MAML2: variants seen among roughly 807,000 people sequenced by gnomAD.
MAML2 encodes the protein mastermind like transcriptional coactivator 2.
A neutral mutation model predicts 96.1 loss-of-function variants in MAML2; 22 were observed. The observed-to-expected ratio is 0.23, with a 90% confidence interval of 0.16 to 0.33. The LOEUF is 0.33. MAML2 is among the 10% of genes least tolerant of loss of function. The probability of loss-of-function intolerance (pLI) is 1.00; values close to 1 mark genes in which losing one functional copy is unlikely to be tolerated. For synonymous variants in MAML2, 561 were observed against 521.3 expected (o/e 1.08, Z -1.04); for missense variants, 1,367 against 1,392.4 (o/e 0.98, Z 0.29).
intron 1 of MAML2, among the ~76,000 whole-genome samples, chr11:96,201,054 A>G (rs1214041473): frequency 6.6e-6 from 1 of 152,208 alleles, no homozygotes; most frequent in Non-Finnish European, 1.5e-5. Flanking sequence ...AAAAAAGAAA[A>G]AAAAGTCTCA....
At chr11:96,187,127 T>A (rs941952591) in intron 1 of MAML2, among the ~76,000 whole-genome samples, 1 of 152,222 alleles carries the variant, frequency 6.6e-6, no homozygotes, top group Non-Finnish European at 1.5e-5. Context: ...GGGTCTTTCT[T>A]ACCTCTGTGA....
chr11:96,015,452 G>A (rs1341519802), intron 2 of MAML2, among the ~76,000 whole-genome samples: 1 of 151,866 alleles, frequency 6.6e-6, no homozygotes, highest in African/African-American at 2.4e-5. Context: ...TACTCCAGCT[G>A]GTTGACCATT....
intron 1 of MAML2, among the ~76,000 whole-genome samples, chr11:96,160,143 G>A (rs893221011): frequency 6.6e-6 from 1 of 152,188 alleles, no homozygotes; most frequent in African/African-American, 2.4e-5. Context: ...GAAGAGATGT[G>A]TCTTGTGAGC....
intron 1 of MAML2, among the ~76,000 whole-genome samples, chr11:96,283,137 T>C (rs199588884): frequency 6.6e-6 from 1 of 151,328 alleles, no homozygotes; most frequent in African/African-American, 2.4e-5. Context: ...AATTTAAAAC[T>C]AAACAAGCCA....
At chr11:96,248,203 C>T (rs1862536353) in intron 1 of MAML2, among the ~76,000 whole-genome samples, 2 of 150,346 alleles carry the variant, frequency 1.3e-5, no homozygotes, top group Admixed American at 6.7e-5. Flanking sequence ...GCCTCCATCT[C>T]CTAGGTTCAA....
intron 2 of MAML2, among the ~76,000 whole-genome samples, chr11:96,073,151 G>A (rs145896078): frequency 2.6e-5 from 4 of 152,256 alleles, no homozygotes; most frequent in Admixed American, 2.6e-4. Flanking sequence ...TAACTGAAGT[G>A]TATTACATTC....
chr11:96,274,949 G>T (rs1212120665), intron 1 of MAML2, among the ~76,000 whole-genome samples: 3 of 148,954 alleles, frequency 2.0e-5, no homozygotes, highest in African/African-American at 7.3e-5. Context: ...CACATAAATG[G>T]GCTCATTTAT....
In MAML2 at chr11:96,231,501, C is replaced by T. The variant is rs117621337; in HGVS notation, c.513+109882G>A. Among the ~76,000 whole-genome samples, 43 of 152,120 alleles carry T rather than the reference C, an allele frequency of 2.8e-4. No individual in the cohort carries two copies. In the East Asian group the frequency reaches 6.4e-3, roughly 23 times the overall value. ...ACCTACTGTAGGATGTAAAGGAAGA[C>T]GACAATGAGATGCACCCTGAGGACT... is the stretch of plus-strand genomic sequence containing the variant. On this transcript the variant is annotated intron_variant, in intron 1 of 4. Coordinates refer to ENST00000524717, the MANE Select transcript of MAML2 (RefSeq NM_032427.4).
intron 1 of MAML2, among the ~76,000 whole-genome samples, chr11:96,298,824 C>G (rs888646088): frequency 6.8e-6 from 1 of 146,628 alleles, no homozygotes; most frequent in South Asian, 2.1e-4. Flanking sequence ...GGGTGGATCA[C>G]GAGGTCAGGA....
chr11:96,199,901 A>G (rs376043277), intron 1 of MAML2, among the ~76,000 whole-genome samples: 1 of 152,250 alleles, frequency 6.6e-6, no homozygotes, highest in African/African-American at 2.4e-5. Context: ...TATTTTATCA[A>G]TTTGGACGAA....
chr11:96,008,960 A>T (rs1346084051), intron 2 of MAML2, among the ~76,000 whole-genome samples: 1 of 152,178 alleles, frequency 6.6e-6, no homozygotes, highest in Non-Finnish European at 1.5e-5. Context: ...ACACCGCTGA[A>T]ATTCTAGCAT....
At chr11:96,051,594 T>A (rs539480338) in intron 2 of MAML2, among the ~76,000 whole-genome samples, 5 of 152,292 alleles carry the variant, frequency 3.3e-5, no homozygotes, top group African/African-American at 1.2e-4. Flanking sequence ...TAGTGTGTTA[T>A]TTAGTGTGAT....
chr11:96,064,730 G>A (rs1377089129), intron 2 of MAML2, among the ~76,000 whole-genome samples: 1 of 152,148 alleles, frequency 6.6e-6, no homozygotes, highest in Non-Finnish European at 1.5e-5. Context: ...AAATGTGGAG[G>A]GTAACAGTAT....
intron 3 of MAML2, among the ~76,000 whole-genome samples, chr11:95,990,931 A>T (rs1178518235): frequency 6.6e-6 from 1 of 152,056 alleles, no homozygotes; most frequent in Non-Finnish European, 1.5e-5. Flanking sequence ...AAACAGTCAA[A>T]TATTAGGTTG....
intron 1 of MAML2, among the ~76,000 whole-genome samples, chr11:96,278,518 A>G (rs1863020614): frequency 1.3e-5 from 2 of 152,206 alleles, no homozygotes; most frequent in African/African-American, 4.8e-5. Flanking sequence ...ATTATAAGAC[A>G]TTATGATTGA....
At chr11:96,114,547 C>T (rs1860200778) in intron 1 of MAML2, among the ~76,000 whole-genome samples, 1 of 152,244 alleles carries the variant, frequency 6.6e-6, no homozygotes, top group South Asian at 2.1e-4. Context: ...TACTCACACC[C>T]TCCCTAGACT....
intron 1 of MAML2, among the ~76,000 whole-genome samples, chr11:96,127,674 G>T (rs1329168614): frequency 1.3e-5 from 2 of 152,344 alleles, no homozygotes; most frequent in South Asian, 2.1e-4. Flanking sequence ...GAAGTTTAGA[G>T]TAAAAACACA....
chr11:96,037,275 C>G (rs1386601876), intron 2 of MAML2, among the ~76,000 whole-genome samples: 3 of 152,288 alleles, frequency 2.0e-5, no homozygotes, highest in African/African-American at 7.2e-5. Context: ...GACGTGCCCA[C>G]AATAAAATAA....
At chr11:96,225,873 A>G (rs1419238983) in intron 1 of MAML2, among the ~76,000 whole-genome samples, 2 of 152,116 alleles carry the variant, frequency 1.3e-5, no homozygotes, top group Non-Finnish European at 2.9e-5. Context: ...TTGTACAGAG[A>G]TCGTACGAGC....
Sources: gnomAD v4.1 joint callset for allele counts (sites outside exome capture counted in the v4.1 genomes callset) on GRCh38, gnomAD v4.1.1 for gene constraint, MANE v1.5 for transcripts, NCBI Gene and HGNC (gene_info 2026-07-23, HGNC 2026-07-21) for gene names.